SRP68: variants seen among roughly 807,000 people sequenced by gnomAD.
The protein encoded by SRP68 is signal recognition particle 68, also known as signal recognition particle subunit SRP68.
In SRP68, 15 loss-of-function variants were observed where a neutral mutation model predicts 82.2. That is an observed-to-expected ratio of 0.18 (90% confidence interval 0.12 to 0.28). The LOEUF (loss-of-function observed/expected upper bound fraction) is 0.28, where lower values mean the gene tolerates loss of function less well. SRP68 is among the 10% of genes least tolerant of loss of function. The pLI, the probability that SRP68 is intolerant of heterozygous loss-of-function variation, is 1.00. For missense variants in SRP68, 595 were observed against 780.5 expected (o/e 0.76, Z 2.83); for synonymous variants, 261 against 292.6 (o/e 0.89, Z 1.10).
intron 9 of SRP68, 40 bp from the exon 10 acceptor site, chr17:76,048,010 G>A: frequency 2.2e-6 from 3 of 1,365,870 alleles, no homozygotes; most frequent in South Asian, 2.8e-5. Context: ...AGCAACTGAT[G>A]CTCTCCATCG....
chr17:76,066,463 AAC>A (rs2066807496), intron 3 of SRP68, among the ~76,000 whole-genome samples: 1 of 149,050 alleles, frequency 6.7e-6, no homozygotes, highest in Non-Finnish European at 1.5e-5. Context: ...AAAAAAAAAA[AAC>A]ACACCACTCA....
At position 76,039,198 on chromosome 17, in the gene SRP68, A is replaced by T. The variant is rs1376965312; in HGVS notation, c.*508T>A. On this transcript the variant is annotated 3_prime_UTR_variant, in exon 16 of 16. Transcript: ENST00000307877. ...AAATAGAGCTCTCTGCTTGTCTGAA[A>T]CTTCTTAGCGTTCACTGGGAGGTGA... The T allele has an allele frequency of 2.8e-6, 1 of 353,072 alleles. No homozygotes were observed. The highest frequency in any genetic ancestry group is 2.1e-5 in the African/African-American group (1 of 46,928). 21.9% of individuals were successfully genotyped at this position (353,072 alleles called of 1,614,324 possible). A position where few individuals can be genotyped will look rare whatever the true frequency, so the allele number is the denominator to read the frequency against.
chr17:76,060,550 A>C (rs2066745634), intron 6 of SRP68, 160 bp from the exon 7 acceptor site: 1 of 583,900 alleles, frequency 1.7e-6, no homozygotes, highest in Admixed American at 3.1e-5. Context: ...ATAAAGAATG[A>C]AATTGACTGG....
intron 3 of SRP68, among the ~76,000 whole-genome samples, chr17:76,064,763 C>T (rs2066794137): frequency 6.7e-6 from 1 of 149,852 alleles, no homozygotes; most frequent in Non-Finnish European, 1.5e-5. Context: ...ATCTCTTGAA[C>T]CGAGGAGGCG....
chr17:76,040,156 G>A (rs1004559062), intron 15 of SRP68, among the ~76,000 whole-genome samples: 23 of 152,210 alleles, frequency 1.5e-4, no homozygotes, highest in African/African-American at 5.5e-4. Context: ...GGACTGGGGT[G>A]CAGGCCTGTT....
chr17:76,052,640 T>TA (rs2066682073), intron 8 of SRP68, among the ~76,000 whole-genome samples: 1 of 151,212 alleles, frequency 6.6e-6, no homozygotes, highest in African/African-American at 2.4e-5. Context: ...CCGTCTCTAC[T>TA]AAAAATACAA....
At chr17:76,066,557 TA>T (rs2066808119) in intron 3 of SRP68, among the ~76,000 whole-genome samples, 1 of 151,294 alleles carries the variant, frequency 6.6e-6, no homozygotes, top group Middle Eastern at 3.5e-3. Context: ...CCTTACCTAA[TA>T]ATCAATTAGA....
intron 10 of SRP68, 74 bp downstream of exon 10, chr17:76,047,832 T>A: frequency 1.4e-6 from 1 of 740,626 alleles, no homozygotes; most frequent in Non-Finnish European, 1.9e-6. Flanking sequence ...TAAATATACA[T>A]AAATATTACA....
In SRP68 at chr17:76,067,243, C is replaced by T. The variant is rs1221451207; in HGVS notation, c.339G>A (p.Val113=). Reference sequence around the variant, plus strand: ...TATTATCGGTCAGAAGCTCTTCAGTCACTTTCTTCCCTGTGAATTTGTGTC... The same window carrying T: ...TATTATCGGTCAGAAGCTCTTCAGTTACTTTCTTCCCTGTGAATTTGTGTC... ...GNRHKFTGKK[V]TEELLTDNRY... Residue 113 remains valine, a synonymous_variant, in exon 3 of 16, where the codon GTG becomes GTA. Coordinates refer to ENST00000307877, the MANE Select transcript of SRP68 (RefSeq NM_014230.4). 1.9e-6 allele frequency: 3 copies of T among 1,613,610 alleles called. No homozygotes were observed. The highest frequency in any genetic ancestry group is 2.5e-6 in the Non-Finnish European group (3 of 1,179,816).
At position 76,057,512 on chromosome 17, in the gene SRP68, G is replaced by A; in HGVS notation, c.869C>T (p.Ala290Val). 1 of 1,614,156 alleles carries A rather than the reference G, an allele frequency of 6.2e-7. No homozygotes were observed. Among genetic ancestry groups the A allele is most frequent in the Non-Finnish European group, 8.5e-7 (1 of 1,180,032 alleles). The stretch of plus-strand genomic sequence containing the variant: ...CCACTCCACTTCACTCATGGTAGCT[G>A]CCTGTTTGGCTCGAGTCTGAGTGAT... ...ALITQTRAKQ[A>V]ATMSEVEWRG... Residue 290 changes from alanine to valine, a missense_variant, in exon 8 of 16, where the codon GCA becomes GTA. Coordinates refer to ENST00000307877, the MANE Select transcript of SRP68 (RefSeq NM_014230.4).
chr17:76,055,852 G>T (rs976313527), intron 8 of SRP68, among the ~76,000 whole-genome samples: 1 of 131,956 alleles, frequency 7.6e-6, no homozygotes. Flanking sequence ...CAGTTACCCA[G>T]GCTGCAGCAT....
chr17:76,049,144 G>A (rs994790569), intron 9 of SRP68: 27 of 152,218 alleles, frequency 1.8e-4, no homozygotes, highest in South Asian at 6.2e-4. Flanking sequence ...ATGGTTGTAC[G>A]TTATGAATGC....
In SRP68 at chr17:76,039,896, G is replaced by T; in HGVS notation, c.1694C>A (p.Pro565His). ...VERFETFCLD[P>H]SLVTKQANLV... ...GTTGGCTTGCTTGGTGACAAGGGAA[G>T]GGTCCAGGCAGAATGTCTCAAACCG... is the stretch of plus-strand genomic sequence containing the variant. Residue 565 changes from proline to histidine, a missense_variant, in exon 16 of 16, where the codon CCT becomes CAT. Coordinates refer to ENST00000307877, the MANE Select transcript of SRP68 (RefSeq NM_014230.4). The T allele has an allele frequency of 6.2e-7, 1 of 1,614,238 alleles. No homozygotes were observed. Among genetic ancestry groups the T allele is most frequent in the Non-Finnish European group, 8.5e-7 (1 of 1,180,046 alleles).
At chr17:76,062,919 C>CACCT (rs2066778806) in intron 4 of SRP68, among the ~76,000 whole-genome samples, 2 of 148,076 alleles carry the variant, frequency 1.4e-5, no homozygotes, top group Non-Finnish European at 3.0e-5. Context: ...TACAGGTGTC[C>CACCT]GCCACTACGC....
At chr17:76,040,798 C>A in intron 14 of SRP68, 105 bp downstream of exon 14, 1 of 1,116,008 alleles carries the variant, frequency 9.0e-7, no homozygotes. Context: ...TACAGATGAA[C>A]CAAGACAACC....
In SRP68 at chr17:76,072,428, T is replaced by G. The variant is rs377012082; in HGVS notation, c.64A>C (p.Ser22Arg). ...CCACCGCCGCTACCGCCGCCGCCAC[T>G]GCCACCGCCGCCGCCACTGCCGCCG... ...GGGGSGGGGG[S>R]GGGGSGGGRG... Residue 22 changes from serine to arginine, a missense_variant, in exon 1 of 16, where the codon AGT (serine) becomes CGT (arginine). By Grantham distance (110) the Ser-to-Arg change is moderately radical (BLOSUM62 -1). Coordinates refer to ENST00000307877, the MANE Select transcript of SRP68 (RefSeq NM_014230.4). This position sits in a 1 kb window ranked among gnomAD's most constrained non-coding sequence, Gnocchi z 4.5. 6.6e-5 allele frequency: 104 copies of G among 1,585,522 alleles called. No individual in the cohort carries two copies. The highest frequency in any genetic ancestry group is 8.6e-5 in the Non-Finnish European group (100 of 1,169,122).
Position 76,039,552 on chromosome 17 carries a change from T to C in SRP68, c.*154A>G. On this transcript the variant is annotated 3_prime_UTR_variant, in exon 16 of 16. Transcript: ENST00000307877. ...TCCTGACACGCTGCTTAAGAACGTG[T>C]ACAGACACAAGATGTAGGAATGCAG... 1 of 744,028 alleles carries C rather than the reference T, an allele frequency of 1.3e-6. No individual in the cohort carries two copies. Among genetic ancestry groups the C allele is most frequent in the Admixed American group, 2.4e-5 (1 of 42,208 alleles). 46.1% of individuals were successfully genotyped at this position (744,028 alleles called of 1,614,324 possible).
intron 6 of SRP68, chr17:76,060,626 C>G (rs1437307931): frequency 2.1e-6 from 1 of 467,678 alleles, no homozygotes; most frequent in African/African-American, 2.0e-5. Context: ...TGTCCAAACC[C>G]ATAGAATGTA....
intron 13 of SRP68, among the ~76,000 whole-genome samples, chr17:76,042,341 C>A (rs905097733): frequency 1.3e-5 from 2 of 151,784 alleles, no homozygotes; most frequent in African/African-American, 4.8e-5. Flanking sequence ...TAGTGGCTCA[C>A]GCCTGTAATC....
Sources: allele counts gnomAD v4.1 joint callset (sites outside exome capture counted in the v4.1 genomes callset), GRCh38; gene constraint gnomAD v4.1.1; non-coding constraint Gnocchi (gnomAD v3.1); transcripts MANE v1.5; gene names NCBI Gene and HGNC (gene_info 2026-07-23, HGNC 2026-07-21).